Variants in TNS1 observed in about 807,000 individuals in gnomAD.
The protein encoded by TNS1 is tensin-1.
Under a neutral mutation model 168.6 loss-of-function variants are expected in TNS1, and 62 were observed. That is an observed-to-expected ratio of 0.37 (90% CI 0.30 to 0.45). The LOEUF (loss-of-function observed/expected upper bound fraction) is 0.45, where lower values mean the gene tolerates loss of function less well. Among genes scored for constraint, TNS1 ranks in the 20% least tolerant of loss-of-function variants. The pLI, the probability that TNS1 is intolerant of heterozygous loss-of-function variation, is 1.00. For missense variants in TNS1, 2,240 were observed against 2,339.4 expected (o/e 0.96, Z 0.88); for synonymous variants, 934 against 933.2 (o/e 1.00, Z -0.02).
intron 3 of TNS1, among the ~76,000 whole-genome samples, chr2:217,931,106 C>T (rs776648981): frequency 2.0e-5 from 3 of 152,160 alleles, no homozygotes; most frequent in Non-Finnish European, 4.4e-5. Flanking sequence ...GATGGCCCCG[C>T]CCGGGAGGGA....
At chr2:217,865,433 T>C (rs926905763) in intron 18 of TNS1, among the ~76,000 whole-genome samples, 1 of 152,180 alleles carries the variant, frequency 6.6e-6, no homozygotes, top group African/African-American at 2.4e-5. Context: ...TCTCAAGCAA[T>C]GTGCAGACAG....
At position 218,002,825 on chromosome 2, in the gene TNS1, A is replaced by G. The variant is rs1223692196; in HGVS notation, c.33+15T>C. The G allele has an allele frequency of 8.8e-6, 4 of 456,642 alleles. No homozygotes were observed. Among genetic ancestry groups the G allele is most frequent in the African/African-American group, 8.0e-5 (4 of 50,070 alleles). The allele number at this position is 456,642 out of a possible 1,614,324, so 28.3% of individuals were successfully genotyped here. A position where few individuals can be genotyped will look rare whatever the true frequency, so the allele number is the denominator to read the frequency against. On this transcript the variant is annotated intron_variant, in intron 1 of 32. Coordinates refer to ENST00000682258, the MANE Select transcript of TNS1 (RefSeq NM_001387777.1). ...TGAGGAAGAGTAACGTCGCAGCTAA[A>G]GCAGCCAGACCTACCCAGAGCATGC... is the stretch of plus-strand genomic sequence containing the variant.
intron 1 of TNS1, among the ~76,000 whole-genome samples, chr2:218,028,252 T>C (rs2059740): frequency 1 from 152,233 of 152,314 alleles, 76,076 homozygotes; most frequent in Middle Eastern, 1. Flanking sequence ...CACCCCCCAT[T>C]CCCACACCTG....
chr2:217,830,161 G>T (rs1051635626), intron 22 of TNS1: 1 of 445,634 alleles, frequency 2.2e-6, no homozygotes, highest in Non-Finnish European at 3.0e-6. Flanking sequence ...GCTCTCAGGA[G>T]CCTGAGCCCC....
At chr2:217,841,692 G>C (rs1440759795) in intron 19 of TNS1, among the ~76,000 whole-genome samples, 1 of 152,066 alleles carries the variant, frequency 6.6e-6, no homozygotes, top group Non-Finnish European at 1.5e-5. Context: ...TGCTCCCATA[G>C]GCAGCAGGCC....
chr2:217,863,326 A>G (rs534905350), intron 18 of TNS1, among the ~76,000 whole-genome samples: 3 of 152,272 alleles, frequency 2.0e-5, no homozygotes, highest in Admixed American at 2.0e-4. Flanking sequence ...CCCCCAGGGA[A>G]TGTGTGACAA....
At chr2:217,905,372 G>A (rs1953539037) in intron 6 of TNS1, 3 of 452,282 alleles carry the variant, frequency 6.6e-6, no homozygotes, top group Non-Finnish European at 1.3e-5. Flanking sequence ...CGGTCCATGG[G>A]ATGCTGCCGC....
At chr2:217,838,348 G>A (rs1324055205) in intron 19 of TNS1, among the ~76,000 whole-genome samples, 2 of 152,230 alleles carry the variant, frequency 1.3e-5, no homozygotes, top group African/African-American at 4.8e-5. Context: ...GATGCCTGCA[G>A]CAGCTTGGGG....
chr2:217,897,144 T>A (rs1190744340), intron 8 of TNS1, among the ~76,000 whole-genome samples: 1 of 152,142 alleles, frequency 6.6e-6, no homozygotes, highest in Non-Finnish European at 1.5e-5. Context: ...GTGGGTCCAG[T>A]CCACAGGCAC....
At chr2:217,957,326 C>T (rs1957390336) in intron 3 of TNS1, among the ~76,000 whole-genome samples, 1 of 152,172 alleles carries the variant, frequency 6.6e-6, no homozygotes, top group Non-Finnish European at 1.5e-5. Flanking sequence ...CAAGGTGCCG[C>T]ACTCCTCCCA....
chr2:217,941,363 C>T (rs936154087), intron 3 of TNS1, among the ~76,000 whole-genome samples: 1 of 152,236 alleles, frequency 6.6e-6, no homozygotes, highest in Non-Finnish European at 1.5e-5. Flanking sequence ...TGTCACGCAG[C>T]CCACCACAGG....
At position 217,813,498 on chromosome 2, in the gene TNS1, C is replaced by T. The variant is rs879915660; in HGVS notation, c.4861+187G>A. Among the ~76,000 whole-genome samples the T allele has an allele frequency of 6.6e-6, 1 of 152,206 alleles. No homozygotes were observed. Among genetic ancestry groups the T allele is most frequent in the Non-Finnish European group, 1.5e-5 (1 of 68,044 alleles). On this transcript the variant is annotated intron_variant, in intron 26 of 32. Coordinates refer to ENST00000682258, the MANE Select transcript of TNS1 (RefSeq NM_001387777.1). The surrounding 1 kb of genome is among the most constrained non-coding windows in gnomAD (Gnocchi z 4.0). ...CTCCCACCCCTCAGGAAACACATGG[C>T]AGGCACCCAATCGTCCTGCTTTCCC...
In TNS1 at chr2:217,805,863, C is replaced by T. The variant is rs376182900; in HGVS notation, c.5376-1260G>A. On this transcript the variant is annotated intron_variant, in intron 32 of 32. Coordinates refer to ENST00000682258, the MANE Select transcript of TNS1 (RefSeq NM_001387777.1). ...ACATATACACACCACACACAACACG[C>T]AAACACAACATATACACACACCACA... Among the ~76,000 whole-genome samples the T allele has an allele frequency of 7.4e-5, 10 of 134,894 alleles. No individual in the cohort carries two copies. In the East Asian group the frequency reaches 1.3e-3, roughly 18 times the overall value. The allele number at this position is 134,894 out of a possible 152,430, so 88.5% of individuals were successfully genotyped here. A position where few individuals can be genotyped will look rare whatever the true frequency, so the allele number is the denominator to read the frequency against.
At chr2:218,022,854 G>A (rs910531152) in intron 1 of TNS1, among the ~76,000 whole-genome samples, 5 of 152,140 alleles carry the variant, frequency 3.3e-5, no homozygotes, top group African/African-American at 1.2e-4. Flanking sequence ...AGCTGGGCCA[G>A]AAGTCACCTC....
At chr2:217,814,390 A>T (rs1458344521) in intron 25 of TNS1, among the ~76,000 whole-genome samples, 1 of 151,746 alleles carries the variant, frequency 6.6e-6, no homozygotes, top group Non-Finnish European at 1.5e-5. Context: ...TGCTACAACT[A>T]CTCCACTCTG....
chr2:217,874,023 AACACAC>A (rs3838561), intron 18 of TNS1, among the ~76,000 whole-genome samples: 1 of 111,472 alleles, frequency 9.0e-6, no homozygotes, highest in African/African-American at 3.6e-5. Flanking sequence ...CCCCCCAACC[AACACAC>A]ACACACACAC....
At chr2:217,857,415 C>T (rs1420626687) in intron 18 of TNS1, among the ~76,000 whole-genome samples, 2 of 152,184 alleles carry the variant, frequency 1.3e-5, no homozygotes, top group Non-Finnish European at 2.9e-5. Flanking sequence ...AATGCTGCTT[C>T]AAGGTGAAGA....
At chr2:217,885,888 C>T in intron 14 of TNS1, 69 bp from the exon 15 acceptor site, 4 of 1,568,150 alleles carry the variant, frequency 2.6e-6, no homozygotes, top group Non-Finnish European at 3.5e-6. Context: ...GCATTTTCTC[C>T]CTGCTGCCCC....
chr2:217,959,542 T>C (rs1279910901), intron 3 of TNS1, among the ~76,000 whole-genome samples: 1 of 152,158 alleles, frequency 6.6e-6, no homozygotes, highest in Non-Finnish European at 1.5e-5. Flanking sequence ...TCATGGAACC[T>C]GGTGCCTTAG....
Sources: allele counts gnomAD v4.1 joint callset (sites outside exome capture counted in the v4.1 genomes callset), GRCh38; gene constraint gnomAD v4.1.1; non-coding constraint Gnocchi (gnomAD v3.1); transcripts MANE v1.5; gene names NCBI Gene and HGNC (gene_info 2026-07-23, HGNC 2026-07-21).